The following SATL1 variants were observed in gnomAD, a reference collection of about 807,000 sequenced individuals.
SATL1 encodes spermidine/spermine N(1)-acetyltransferase-like protein 1.
A neutral mutation model predicts 51.8 loss-of-function variants in SATL1; 47 were observed. That is an observed-to-expected ratio of 0.91 (90% CI 0.72 to 1.16). SATL1 has a LOEUF of 1.16. Among genes scored for constraint, SATL1 ranks in the 50% most tolerant of loss-of-function variants. The pLI is 0.00. For missense variants in SATL1, 520 were observed against 526.4 expected (o/e 0.99, Z 0.12); for synonymous variants, 176 against 182.4 (o/e 0.97, Z 0.28).
intron 2 of SATL1, among the ~76,000 whole-genome samples, chrX:85,218,376 G>A (rs897459454): frequency 3.6e-5 from 4 of 111,568 alleles, no homozygotes; most frequent in African/African-American, 1.3e-4. Context: ...ATTTTTAAAT[G>A]TTCAGGGACA....
At chrX:85,111,468 T>C (rs1458114183) in intron 2 of SATL1, among the ~76,000 whole-genome samples, 2 of 112,319 alleles carry the variant, frequency 1.8e-5, no homozygotes, top group East Asian at 5.6e-4. Flanking sequence ...TCCACTTTAA[T>C]TGGTACACCA....
intron 2 of SATL1, among the ~76,000 whole-genome samples, chrX:85,220,642 G>GT (rs1378928557): frequency 7.8e-5 from 3 of 38,419 alleles, no homozygotes; most frequent in Admixed American, 5.5e-4. Context: ...GCACTTCTGT[G>GT]TTAAAAAAAA....
intron 2 of SATL1, among the ~76,000 whole-genome samples, chrX:85,221,073 A>T (rs1203964761): frequency 9.0e-6 from 1 of 111,341 alleles, no homozygotes; most frequent in Non-Finnish European, 1.9e-5. Context: ...ATACATGCCT[A>T]GTCTTGTTAT....
intron 2 of SATL1, among the ~76,000 whole-genome samples, chrX:85,127,621 A>G (rs923957409): frequency 1.8e-5 from 2 of 111,615 alleles, no homozygotes; most frequent in African/African-American, 6.5e-5. Context: ...TTCAATCCAA[A>G]TGACTACCAA....
chrX:85,232,714 A>C (rs1928407777), intron 1 of SATL1, among the ~76,000 whole-genome samples: 1 of 111,148 alleles, frequency 9.0e-6, no homozygotes, highest in African/African-American at 3.3e-5. Flanking sequence ...TGCCTGTGAA[A>C]AGAAAAGGGA....
chrX:85,170,446 T>C (rs902686118), intron 2 of SATL1, among the ~76,000 whole-genome samples: 1 of 111,744 alleles, frequency 8.9e-6, no homozygotes, highest in Non-Finnish European at 1.9e-5. Context: ...AAACTAATAT[T>C]TAAATCTAAG....
At chrX:85,131,159 C>T (rs1018428975) in intron 2 of SATL1, among the ~76,000 whole-genome samples, 1 of 111,481 alleles carries the variant, frequency 9.0e-6, no homozygotes, top group African/African-American at 3.3e-5. Flanking sequence ...GATGTCTATT[C>T]GGTCTGCTTG....
Position 85,137,309 on chromosome X carries a change from G to A in SATL1, c.-312-28029C>T, listed in dbSNP as rs192615879. Among the ~76,000 whole-genome samples, 3 of 111,530 alleles carry A rather than the reference G, an allele frequency of 2.7e-5. No individual in the cohort carries two copies. In the East Asian group the frequency reaches 8.5e-4, roughly 32 times the overall value. On this transcript the variant is annotated intron_variant, in intron 2 of 7. Transcript: ENST00000644105. ...GGAGTAGTGAAAGTCTGAAATAGTA[G>A]GTGAACGTAATAATTGAAAGAGATG...
intron 2 of SATL1, among the ~76,000 whole-genome samples, chrX:85,182,688 T>C (rs1484961133): frequency 8.9e-6 from 1 of 111,960 alleles, no homozygotes; most frequent in East Asian, 2.8e-4. Flanking sequence ...CTGCACTAAT[T>C]TACATTTCCA....
At chrX:85,157,999 C>G (rs1008750557) in intron 2 of SATL1, among the ~76,000 whole-genome samples, 1 of 111,544 alleles carries the variant, frequency 9.0e-6, no homozygotes, top group African/African-American at 3.3e-5. Flanking sequence ...TTTAAACCAA[C>G]TTAAACTATT....
chrX:85,166,730 G>T (rs1171870344), intron 2 of SATL1, among the ~76,000 whole-genome samples: 1 of 110,277 alleles, frequency 9.1e-6, no homozygotes, highest in Admixed American at 9.7e-5. Flanking sequence ...ACTCCTTAAA[G>T]AACTAAAAGT....
In SATL1 at chrX:85,092,383, A is replaced by G; in HGVS notation, c.*8T>C. ...GCTGTGTTGGGATGAGTTGTTACAA[A>G]GCCTCTTTCATTCTTCCCATGCCAT... On this transcript the variant is annotated 3_prime_UTR_variant, in exon 8 of 8. Coordinates refer to ENST00000644105, the MANE Select transcript of SATL1 (RefSeq NM_001367857.2). The G allele has an allele frequency of 8.6e-7, 1 of 1,160,275 alleles. No homozygotes were observed. Among genetic ancestry groups the G allele is most frequent in the South Asian group, 2.0e-5 (1 of 50,954 alleles).
intron 2 of SATL1, among the ~76,000 whole-genome samples, chrX:85,111,294 ATT>A (rs1222816404): frequency 8.9e-6 from 1 of 112,357 alleles, no homozygotes; most frequent in Non-Finnish European, 1.9e-5. Context: ...CTATTTAGAT[ATT>A]TGTTTTTTGT....
At chrX:85,149,511 C>T (rs1284749582) in intron 2 of SATL1, among the ~76,000 whole-genome samples, 1 of 111,756 alleles carries the variant, frequency 8.9e-6, no homozygotes, top group Non-Finnish European at 1.9e-5. Flanking sequence ...ACAGAATATA[C>T]ATTTTTTCAA....
chrX:85,209,843 G>A (rs917196436), intron 2 of SATL1: 4 of 109,748 alleles, frequency 3.6e-5, no homozygotes, highest in Non-Finnish European at 5.7e-5. Context: ...CTTCAGTTCT[G>A]CTTGATCTTA....
chrX:85,234,869 G>A (rs1325829455), intron 1 of SATL1, among the ~76,000 whole-genome samples: 1 of 110,454 alleles, frequency 9.1e-6, no homozygotes, highest in East Asian at 2.8e-4. Context: ...TATCAATAAT[G>A]ACACTGAATG....
At chrX:85,168,448 T>C (rs746239203) in intron 2 of SATL1, among the ~76,000 whole-genome samples, 46 of 111,653 alleles carry the variant, frequency 4.1e-4, no homozygotes, top group African/African-American at 1.5e-3. Flanking sequence ...ACAAAATCAA[T>C]GTACAAAAGT....
At chrX:85,209,557 A>G (rs188801727) in intron 2 of SATL1, 43 of 111,393 alleles carry the variant, frequency 3.9e-4, no homozygotes, top group African/African-American at 1.2e-3. Flanking sequence ...TTCTTTGAGC[A>G]GTGGTTTGTA....
intron 2 of SATL1, among the ~76,000 whole-genome samples, chrX:85,204,100 T>C (rs6524429): frequency 0.28 from 30,769 of 110,699 alleles, 5,073 homozygotes; most frequent in African/African-American, 0.62. Flanking sequence ...GGAGTGGGTT[T>C]GCAAGGAGAT....
Sources: gnomAD v4.1 joint callset for allele counts (sites outside exome capture counted in the v4.1 genomes callset) on GRCh38, gnomAD v4.1.1 for gene constraint, MANE v1.5 for transcripts, NCBI Gene and HGNC (gene_info 2026-07-23, HGNC 2026-07-21) for gene names.